PTPRD: variants seen among roughly 807,000 people sequenced by gnomAD.
PTPRD encodes receptor-type tyrosine-protein phosphatase delta.
PTPRD carries 34 observed loss-of-function variants against 214.5 expected under a neutral mutation model. The ratio of observed to expected loss-of-function variants is 0.16; its 90% CI spans 0.12 to 0.21. PTPRD has a LOEUF of 0.21. PTPRD is among the 10% of genes least tolerant of loss of function. PTPRD has a pLI of 1.00. For synonymous variants in PTPRD, 1,128 were observed against 845.7 expected (o/e 1.33, Z -5.79); for missense variants, 2,545 against 2,398.7 (o/e 1.06, Z -1.27).
intron 3 of PTPRD, among the ~76,000 whole-genome samples, chr9:10,252,515 A>G (rs2092876219): frequency 1.3e-5 from 2 of 151,514 alleles, no homozygotes; most frequent in African/African-American, 2.4e-5. Context: ...CCTGAGGGAA[A>G]GCCACCGAGC....
chr9:8,457,253 G>A (rs115683667), intron 33 of PTPRD, among the ~76,000 whole-genome samples: 1,831 of 152,140 alleles, frequency 0.012, 46 homozygotes, highest in African/African-American at 0.042. Context: ...TTGGATTCGG[G>A]TTTCTTGGCT....
chr9:9,741,099 A>C (rs1242816339), intron 6 of PTPRD, among the ~76,000 whole-genome samples: 3 of 152,194 alleles, frequency 2.0e-5, no homozygotes, highest in Non-Finnish European at 2.9e-5. Flanking sequence ...CACTAAAACA[A>C]ACCAATATGA....
At chr9:8,877,988 C>T (rs1370330263) in intron 11 of PTPRD, among the ~76,000 whole-genome samples, 1 of 152,180 alleles carries the variant, frequency 6.6e-6, no homozygotes, top group African/African-American at 2.4e-5. Context: ...CTTTCCTTGG[C>T]TGTTGACAAT....
intron 7 of PTPRD, among the ~76,000 whole-genome samples, chr9:9,585,110 T>C (rs937869093): frequency 2.0e-5 from 3 of 152,016 alleles, no homozygotes; most frequent in Admixed American, 1.3e-4. Context: ...TCATTTTTGT[T>C]TCATTATGTT....
intron 7 of PTPRD, among the ~76,000 whole-genome samples, chr9:9,603,024 A>C (rs984516121): frequency 2.0e-5 from 3 of 152,134 alleles, no homozygotes; most frequent in Non-Finnish European, 4.4e-5. Context: ...AGTAAGAAAA[A>C]AAAAGACTAG....
In PTPRD at chr9:8,958,143, G is replaced by A. The variant is rs79342277; in HGVS notation, c.-104+60554C>T. 1.1e-4 allele frequency among the ~76,000 whole-genome samples: 16 copies of A among 151,998 alleles called. No individual in the cohort carries two copies. In the East Asian group the frequency reaches 3.1e-3, roughly 29 times the overall value. ...TCCCTCCATCCTGCAGGTGCTAAAT[G>A]TGTGCTTTTAAATATGAGACGGGTG... On this transcript the variant is annotated intron_variant, in intron 11 of 45. Transcript: ENST00000381196.
chr9:8,818,464 G>C (rs2096968774), intron 11 of PTPRD, among the ~76,000 whole-genome samples: 1 of 152,178 alleles, frequency 6.6e-6, no homozygotes, highest in Non-Finnish European at 1.5e-5. Context: ...TGTCCTAAGA[G>C]CTTTCTTCCT....
intron 11 of PTPRD, among the ~76,000 whole-genome samples, chr9:8,894,846 G>A (rs1052141193): frequency 6.6e-6 from 1 of 151,868 alleles, no homozygotes; most frequent in Admixed American, 6.6e-5. Context: ...AGGAACACAG[G>A]AACCAACTTA....
At chr9:8,444,318 T>C (rs2095647380) in intron 34 of PTPRD, among the ~76,000 whole-genome samples, 1 of 152,172 alleles carries the variant, frequency 6.6e-6, no homozygotes, top group Admixed American at 6.5e-5. Flanking sequence ...AAAAAGTCCA[T>C]TTTTATATAG....
At chr9:9,957,176 A>C (rs554063295) in intron 4 of PTPRD, among the ~76,000 whole-genome samples, 2 of 152,326 alleles carry the variant, frequency 1.3e-5, no homozygotes, top group African/African-American at 4.8e-5. Context: ...ATATATAAAC[A>C]GACACAAAAA....
At chr9:9,124,550 A>G (rs914840499) in intron 10 of PTPRD, among the ~76,000 whole-genome samples, 3 of 152,218 alleles carry the variant, frequency 2.0e-5, no homozygotes, top group African/African-American at 4.8e-5. Flanking sequence ...AAGCAATTAT[A>G]GACTCTCAGC....
At chr9:8,716,995 T>C (rs2098443767) in intron 12 of PTPRD, among the ~76,000 whole-genome samples, 1 of 152,070 alleles carries the variant, frequency 6.6e-6, no homozygotes, top group South Asian at 2.1e-4. Context: ...GCAAAACCCC[T>C]TGTCTACAAA....
At chr9:9,875,218 A>G (rs1055674246) in intron 5 of PTPRD, among the ~76,000 whole-genome samples, 3 of 152,120 alleles carry the variant, frequency 2.0e-5, no homozygotes, top group South Asian at 2.1e-4. Flanking sequence ...TTAAAATTAT[A>G]TATCTTTTGA....
At chr9:9,957,102 G>T (rs1217979794) in intron 4 of PTPRD, among the ~76,000 whole-genome samples, 1 of 152,026 alleles carries the variant, frequency 6.6e-6, no homozygotes, top group Admixed American at 6.6e-5. Flanking sequence ...AATTGTTTGA[G>T]AAAAAGCATG....
chr9:8,458,528 T>C (rs1212437565), intron 33 of PTPRD, among the ~76,000 whole-genome samples: 1 of 152,174 alleles, frequency 6.6e-6, no homozygotes, highest in African/African-American at 2.4e-5. Context: ...CATAGTAGTA[T>C]GTGACTACCT....
At chr9:9,856,311 G>A (rs1263698687) in intron 5 of PTPRD, among the ~76,000 whole-genome samples, 1 of 152,102 alleles carries the variant, frequency 6.6e-6, no homozygotes, top group African/African-American at 2.4e-5. Flanking sequence ...TTACGAAAAG[G>A]CAACATTTGA....
chr9:9,906,590 A>C (rs1321627874), intron 5 of PTPRD, among the ~76,000 whole-genome samples: 1 of 152,004 alleles, frequency 6.6e-6, no homozygotes. Flanking sequence ...ACATTTATTT[A>C]AGTCATACTA....
At chr9:9,159,830 C>T (rs1005103716) in intron 10 of PTPRD, among the ~76,000 whole-genome samples, 1 of 152,140 alleles carries the variant, frequency 6.6e-6, no homozygotes, top group Non-Finnish European at 1.5e-5. Context: ...TAATAAAAAT[C>T]TCATGGCACT....
At chr9:9,653,664 C>T (rs920542737) in intron 7 of PTPRD, among the ~76,000 whole-genome samples, 1 of 151,922 alleles carries the variant, frequency 6.6e-6, no homozygotes, top group African/African-American at 2.4e-5. Flanking sequence ...AAAAGCATTC[C>T]AATATAAGCT....
Sources: allele counts gnomAD v4.1 joint callset (sites outside exome capture counted in the v4.1 genomes callset), GRCh38; gene constraint gnomAD v4.1.1; transcripts MANE v1.5; gene names NCBI Gene and HGNC (gene_info 2026-07-23, HGNC 2026-07-21).